ERBB4: variants seen among roughly 807,000 people sequenced by gnomAD.
The protein encoded by ERBB4 is erb-b2 receptor tyrosine kinase 4.
Under a neutral mutation model 158.0 loss-of-function variants are expected in ERBB4, and 42 were observed. That is an observed-to-expected ratio of 0.27 (90% CI 0.21 to 0.34). The LOEUF (loss-of-function observed/expected upper bound fraction) is 0.34, where lower values mean the gene tolerates loss of function less well. Ranked by LOEUF, ERBB4 falls within the 10% of genes least tolerant of loss-of-function variation. The pLI is 1.00. For synonymous variants in ERBB4, 583 were observed against 558.7 expected, an observed-to-expected ratio of 1.04 and a Z score of -0.61; for missense variants, 1,333 against 1,624.1, an observed-to-expected ratio of 0.82 and a Z score of 3.08.
At chr2:211,555,396 G>A (rs1248419226) in intron 20 of ERBB4, among the ~76,000 whole-genome samples, 1 of 152,052 alleles carries the variant, frequency 6.6e-6, no homozygotes, top group Non-Finnish European at 1.5e-5. Context: ...TGTTGGTCAG[G>A]CTGGTCTCGA....
intron 2 of ERBB4, among the ~76,000 whole-genome samples, chr2:212,003,573 C>G (rs1032025940): frequency 6.6e-6 from 1 of 152,112 alleles, no homozygotes; most frequent in Admixed American, 6.5e-5. Flanking sequence ...GGATCAGAGG[C>G]TACACCCTTT....
At chr2:212,245,890 G>T (rs2084289814) in intron 1 of ERBB4, among the ~76,000 whole-genome samples, 1 of 152,078 alleles carries the variant, frequency 6.6e-6, no homozygotes, top group African/African-American at 2.4e-5. Context: ...GGAGATGGGA[G>T]AAAAATTCAG....
chr2:212,386,531 T>C (rs551342244), intron 1 of ERBB4, among the ~76,000 whole-genome samples: 1 of 151,234 alleles, frequency 6.6e-6, no homozygotes, highest in South Asian at 2.1e-4. Flanking sequence ...ACCAAGAGAG[T>C]TCTATTTTGT....
intron 3 of ERBB4, among the ~76,000 whole-genome samples, chr2:211,825,208 A>G (rs2077075831): frequency 6.6e-6 from 1 of 151,894 alleles, no homozygotes; most frequent in Admixed American, 6.6e-5. Flanking sequence ...AATAGTTTGG[A>G]CAAAATTAAA....
chr2:211,791,663 A>G (rs893482431), intron 3 of ERBB4, among the ~76,000 whole-genome samples: 1 of 151,844 alleles, frequency 6.6e-6, no homozygotes, highest in Non-Finnish European at 1.5e-5. Flanking sequence ...AGCTGCTATG[A>G]GTTTTCTTAT....
At position 212,532,966 on chromosome 2, in the gene ERBB4, G is replaced by C. The variant is rs559335635; in HGVS notation, c.82+5483C>G. Among the ~76,000 whole-genome samples the C allele has an allele frequency of 2.0e-5, 3 of 152,288 alleles. No homozygotes were observed. The South Asian group carries it at 6.2e-4, about 32-fold the overall frequency. ...CTTGAAAAGTTTGTATAAATATAAA[G>C]CACTAGTTTAAGTATCAAGTGTGAA... On this transcript the variant is annotated intron_variant, in intron 1 of 27. Coordinates refer to ENST00000342788, the MANE Select transcript of ERBB4 (RefSeq NM_005235.3).
intron 5 of ERBB4, among the ~76,000 whole-genome samples, chr2:211,737,639 A>G (rs2074645982): frequency 6.6e-6 from 1 of 152,200 alleles, no homozygotes; most frequent in South Asian, 2.1e-4. Context: ...GTTTTCATCT[A>G]TAAAATAAAA....
chr2:212,480,530 T>C (rs996497692), intron 1 of ERBB4, among the ~76,000 whole-genome samples: 3 of 152,222 alleles, frequency 2.0e-5, no homozygotes, highest in Non-Finnish European at 4.4e-5. Flanking sequence ...AGCTACTCTA[T>C]TCTTATCCCA....
chr2:211,623,107 G>A (rs896808601), intron 18 of ERBB4, among the ~76,000 whole-genome samples: 1 of 134,004 alleles, frequency 7.5e-6, no homozygotes, highest in African/African-American at 2.8e-5. Context: ...TTCAGCATTT[G>A]CCCAGAAGAG....
intron 1 of ERBB4, among the ~76,000 whole-genome samples, chr2:212,349,308 C>T (rs1026684445): frequency 6.6e-6 from 1 of 151,748 alleles, no homozygotes; most frequent in African/African-American, 2.4e-5. Flanking sequence ...CACACACACA[C>T]ACACACACAC....
intron 20 of ERBB4, among the ~76,000 whole-genome samples, chr2:211,542,550 A>G (rs2066837987): frequency 6.6e-6 from 1 of 152,048 alleles, no homozygotes; most frequent in African/African-American, 2.4e-5. Flanking sequence ...ATGCACTTAA[A>G]TATTAATAAA....
chr2:211,655,108 T>C (rs964146553), intron 16 of ERBB4, among the ~76,000 whole-genome samples: 5 of 152,194 alleles, frequency 3.3e-5, no homozygotes, highest in Non-Finnish European at 5.9e-5. Flanking sequence ...AGTGTGGTTT[T>C]AACCTTTCTC....
At chr2:212,024,332 A>G (rs1483656607) in intron 2 of ERBB4, among the ~76,000 whole-genome samples, 1 of 151,974 alleles carries the variant, frequency 6.6e-6, no homozygotes, top group Admixed American at 6.6e-5. Context: ...AGCACATAAA[A>G]AAAAACAAAG....
chr2:212,405,984 GA>G (rs2106474906), intron 1 of ERBB4, among the ~76,000 whole-genome samples: 1 of 152,186 alleles, frequency 6.6e-6, no homozygotes, highest in South Asian at 2.1e-4. Flanking sequence ...GAAACATGAA[GA>G]AAACTGAATC....
intron 19 of ERBB4, among the ~76,000 whole-genome samples, chr2:211,588,998 G>T (rs1372878416): frequency 4.6e-5 from 7 of 152,156 alleles, no homozygotes; most frequent in Non-Finnish European, 8.8e-5. Flanking sequence ...TTATGAGTAT[G>T]TGGAAAATAC....
intron 3 of ERBB4, among the ~76,000 whole-genome samples, chr2:211,874,365 T>C (rs180817537): frequency 6.6e-6 from 1 of 152,178 alleles, no homozygotes; most frequent in African/African-American, 2.4e-5. Context: ...ACTTTGTTCT[T>C]GTCTTACCCT....
In ERBB4 at chr2:211,876,202, T is replaced by C. The variant is rs1469148041; in HGVS notation, c.421+71228A>G. 3.9e-5 allele frequency among the ~76,000 whole-genome samples: 6 copies of C among 152,198 alleles called. No homozygotes were observed. In the South Asian group the frequency reaches 1.0e-3, roughly 26 times the overall value. On this transcript the variant is annotated intron_variant, in intron 3 of 27. Coordinates refer to ENST00000342788, the MANE Select transcript of ERBB4 (RefSeq NM_005235.3). ...AATAGCATCACATTTTGCCAAAATATTGTATACACTTAGAGAATACCAATT... is the reference window on the plus strand; with the variant it reads ...AATAGCATCACATTTTGCCAAAATACTGTATACACTTAGAGAATACCAATT...
chr2:211,485,210 A>ATCAATCTTGATTTTG, intron 20 of ERBB4, among the ~76,000 whole-genome samples: 1 of 151,806 alleles, frequency 6.6e-6, no homozygotes, highest in Admixed American at 6.5e-5. Flanking sequence ...AGTTTTACAA[A>ATCAATCTTGATTTTG]TCTTGATTGA....
chr2:212,514,362 T>G (rs2106290726), intron 1 of ERBB4, among the ~76,000 whole-genome samples: 1 of 152,342 alleles, frequency 6.6e-6, no homozygotes, highest in Admixed American at 6.5e-5. Context: ...TTAAAAGTAA[T>G]GATATAAATG....
Sources: allele counts gnomAD v4.1 joint callset (sites outside exome capture counted in the v4.1 genomes callset), GRCh38; gene constraint gnomAD v4.1.1; transcripts MANE v1.5; gene names NCBI Gene and HGNC (gene_info 2026-07-23, HGNC 2026-07-21).